Variants in CD96 observed in about 807,000 individuals in gnomAD.
The protein encoded by CD96 is CD96 molecule.
A neutral mutation model predicts 71.3 loss-of-function variants in CD96; 70 were observed. The observed-to-expected ratio is 0.98, with a 90% CI of 0.81 to 1.20. The LOEUF is 1.20. CD96 is among the 50% of genes most tolerant of loss of function. CD96 has a pLI of 0.00. For synonymous variants in CD96, 248 were observed against 233.0 expected (o/e 1.06, Z -0.59); for missense variants, 742 against 677.5 (o/e 1.10, Z -1.06).
chr3:111,590,885 T>C (rs1025761534), intron 5 of CD96, among the ~76,000 whole-genome samples: 1 of 152,348 alleles, frequency 6.6e-6, no homozygotes, highest in Non-Finnish European at 1.5e-5. Context: ...CTCACTCTTA[T>C]GCTTGTGCTT....
At chr3:111,662,870 C>G (rs1017167932) in intron 14 of CD96, among the ~76,000 whole-genome samples, 5 of 152,214 alleles carry the variant, frequency 3.3e-5, no homozygotes, top group Admixed American at 2.6e-4. Flanking sequence ...ACCTCTGCTC[C>G]TTACCCAGTT....
At chr3:111,546,706 C>T (rs59283054) in intron 2 of CD96, among the ~76,000 whole-genome samples, 8,890 of 152,030 alleles carry the variant, frequency 0.058, 703 homozygotes, top group African/African-American at 0.18. Flanking sequence ...TCGTGAAGGT[C>T]ATATTAAAGG....
chr3:111,545,468 T>A, intron 2 of CD96, 66 bp downstream of exon 2: 1 of 1,112,852 alleles, frequency 9.0e-7, no homozygotes, highest in Non-Finnish European at 1.4e-6. Flanking sequence ...ATGTACATTT[T>A]AAGAAAAGCA....
chr3:111,665,522 C>T (rs542333947), intron 14 of CD96: 1 of 152,000 alleles, frequency 6.6e-6, no homozygotes, highest in African/African-American at 2.4e-5. Context: ...CTTATTCTAC[C>T]CTAGGTATTG....
chr3:111,570,716 G>A, intron 3 of CD96: 1 of 1,612,620 alleles, frequency 6.2e-7, no homozygotes, highest in Admixed American at 1.7e-5. Context: ...GAGCATCATA[G>A]ATGGGGTTGA....
Position 111,638,166 on chromosome 3 carries a change from C to G in CD96, c.1475C>G (p.Thr492Ser). The G allele has an allele frequency of 1.3e-6, 2 of 1,565,320 alleles. No individual in the cohort carries two copies. The highest frequency in any genetic ancestry group is 1.8e-6 in the Non-Finnish European group (2 of 1,135,544). The change falls in exon 12 of 14, where the codon ACT becomes AGT. Residue 492 changes from threonine to serine, a missense_variant and splice_region_variant. Physicochemically the swap from Thr to Ser is moderately conservative, Grantham distance 58. Coordinates refer to ENST00000352690, the MANE Select transcript of CD96 (RefSeq NM_005816.5). ...GSTKTNHVHI[T>S]GIVVNKPKDG... is the part of the protein sequence containing the mutation. ...ACGAAAACTAATCACGTCCATATCA[C>G]TGGTAAGTCATTTATCCTATTTTGG...
chr3:111,584,966 C>G lies in CD96; in HGVS notation c.752-357C>G, dbSNP rs141593279. Among the ~76,000 whole-genome samples the G allele has an allele frequency of 2.0e-5, 3 of 152,316 alleles. No homozygotes were observed. The East Asian group carries it at 5.8e-4, about 29-fold the overall frequency. On this transcript the variant is annotated intron_variant, in intron 4 of 13. Transcript: ENST00000352690. ...ACATCACATCTTCCAAAAGCCTCCT[C>G]CTATCCTCCAAGGTTAGGTTAGAAA...
intron 3 of CD96, chr3:111,570,880 G>A: frequency 1.2e-6 from 2 of 1,606,160 alleles, no homozygotes; most frequent in South Asian, 1.1e-5. Flanking sequence ...TCCAAGGTGG[G>A]CAGCTCATGG....
At chr3:111,587,073 C>T (rs1936748082) in intron 5 of CD96, among the ~76,000 whole-genome samples, 1 of 152,046 alleles carries the variant, frequency 6.6e-6, no homozygotes, top group Admixed American at 6.6e-5. Flanking sequence ...TGGATAAATA[C>T]AGCCATTCCA....
chr3:111,583,676 G>C (rs1216905323), intron 4 of CD96, among the ~76,000 whole-genome samples: 1 of 152,232 alleles, frequency 6.6e-6, no homozygotes, highest in Non-Finnish European at 1.5e-5. Flanking sequence ...CCAAGGCTTG[G>C]GGATTCCACA....
intron 3 of CD96, among the ~76,000 whole-genome samples, chr3:111,568,707 C>A: frequency 6.6e-6 from 1 of 152,098 alleles, no homozygotes; most frequent in Non-Finnish European, 1.5e-5. Context: ...ATCTTAAAAA[C>A]TAAAATTGAG....
chr3:111,611,275 G>A (rs920800959), intron 8 of CD96, among the ~76,000 whole-genome samples: 4 of 152,196 alleles, frequency 2.6e-5, no homozygotes, highest in South Asian at 4.1e-4. Flanking sequence ...TCTTCGGCAA[G>A]TGGATGATCA....
chr3:111,548,236 C>T (rs530890337), intron 2 of CD96, among the ~76,000 whole-genome samples: 126 of 152,164 alleles, frequency 8.3e-4, no homozygotes, highest in Middle Eastern at 3.2e-3. Context: ...TGTTTCTTTT[C>T]TGTTGCTGTT....
intron 12 of CD96, among the ~76,000 whole-genome samples, chr3:111,644,631 A>G (rs1427544480): frequency 6.6e-6 from 1 of 152,016 alleles, no homozygotes; most frequent in African/African-American, 2.4e-5. Flanking sequence ...ACAAAGAACT[A>G]CTATCCAGAA....
At chr3:111,621,863 T>G (rs1353133798) in intron 8 of CD96, among the ~76,000 whole-genome samples, 2 of 152,180 alleles carry the variant, frequency 1.3e-5, no homozygotes, top group Non-Finnish European at 2.9e-5. Flanking sequence ...CCACAGTGAC[T>G]AGGAATGTAG....
rs952725435 is a variant in CD96 at position 111,606,744 on chromosome 3, T to G, written c.1132T>G (p.Ser378Ala). ...STDPPLSVTE[S>A]TLDTQPSPAS... ...AGACCCTCCACTGAGTGTTACAGAA[T>G]CTACCCTTGACACCCAACCTTCTCC... Residue 378 changes from serine to alanine, a missense_variant, in exon 8 of 14, where the codon TCT becomes GCT. By Grantham distance (99) the Ser-to-Ala change is moderately conservative (BLOSUM62 1). Transcript: ENST00000352690. 1 of 1,608,614 alleles carries G rather than the reference T, an allele frequency of 6.2e-7. No homozygotes were observed. Among genetic ancestry groups the G allele is most frequent in the East Asian group, 2.2e-5 (1 of 44,852 alleles).
chr3:111,628,340 C>A (rs1041195660), intron 10 of CD96, among the ~76,000 whole-genome samples: 3 of 152,240 alleles, frequency 2.0e-5, no homozygotes, highest in African/African-American at 7.2e-5. Flanking sequence ...CATAACCAAT[C>A]TGATAGAGCT....
In CD96 at chr3:111,598,102, T is replaced by C; in HGVS notation, c.808-18T>C. 9.1e-7 allele frequency: 1 copy of C among 1,100,676 alleles called. No individual in the cohort carries two copies. Among genetic ancestry groups the C allele is most frequent in the Non-Finnish European group, 1.4e-6 (1 of 712,248 alleles). 68.2% of individuals were successfully genotyped at this position (1,100,676 alleles called of 1,614,324 possible). ...TCTTAGGAATTTGCAAATAATCCTT[T>C]TTCTGTCTTTACCCCAGAGAAGATT... On this transcript the variant is annotated intron_variant, in intron 5 of 13. Coordinates refer to ENST00000352690, the MANE Select transcript of CD96 (RefSeq NM_005816.5).
chr3:111,664,055 TAC>T (rs1201517099), intron 14 of CD96, among the ~76,000 whole-genome samples: 1 of 152,212 alleles, frequency 6.6e-6, no homozygotes, highest in Admixed American at 6.5e-5. Flanking sequence ...CAGCCGCTTA[TAC>T]ACTTCTGGTG....
Sources: gnomAD v4.1 joint callset for allele counts (sites outside exome capture counted in the v4.1 genomes callset) on GRCh38, gnomAD v4.1.1 for gene constraint, MANE v1.5 for transcripts, NCBI Gene and HGNC (gene_info 2026-07-23, HGNC 2026-07-21) for gene names.